The following PXDNL variants were observed in gnomAD, a reference collection of about 807,000 sequenced individuals.
PXDNL encodes the protein peroxidasin like.
PXDNL carries 145 observed loss-of-function variants against 150.8 expected under a neutral mutation model. The ratio of observed to expected loss-of-function variants is 0.96; its 90% CI spans 0.84 to 1.10. PXDNL has a LOEUF of 1.10. PXDNL is among the 50% of genes least tolerant of loss of function. The probability of loss-of-function intolerance (pLI) is 0.00; values close to 1 mark genes in which losing one functional copy is unlikely to be tolerated. For synonymous variants in PXDNL, 757 were observed against 725.7 expected (o/e 1.04, Z -0.69); for missense variants, 2,087 against 1,873.9 (o/e 1.11, Z -2.10).
intron 18 of PXDNL, among the ~76,000 whole-genome samples, chr8:51,373,912 T>C (rs1807214142): frequency 6.6e-6 from 1 of 152,168 alleles, no homozygotes; most frequent in Admixed American, 6.5e-5. Context: ...TATTTCTTGG[T>C]TTTTATTCTT....
intron 1 of PXDNL, among the ~76,000 whole-genome samples, chr8:51,679,845 A>G (rs1815704096): frequency 6.6e-6 from 1 of 152,150 alleles, no homozygotes; most frequent in Non-Finnish European, 1.5e-5. Flanking sequence ...ATCCCATCAG[A>G]ACAACTTCAC....
At chr8:51,598,003 T>G (rs1166241576) in intron 2 of PXDNL, among the ~76,000 whole-genome samples, 1 of 152,122 alleles carries the variant, frequency 6.6e-6, no homozygotes, top group Non-Finnish European at 1.5e-5. Flanking sequence ...CATGAGCCAC[T>G]GCGTCTGGCC....
At chr8:51,570,257 G>T (rs868108149) in intron 3 of PXDNL, among the ~76,000 whole-genome samples, 1 of 151,914 alleles carries the variant, frequency 6.6e-6, no homozygotes, top group East Asian at 1.9e-4. Flanking sequence ...TGACGCTGTG[G>T]GTTCCACTAG....
At chr8:51,413,007 C>T (rs1324473170) in intron 15 of PXDNL, 143 bp downstream of exon 15, 2 of 591,246 alleles carry the variant, frequency 3.4e-6, no homozygotes, top group Non-Finnish European at 3.0e-6. Context: ...ATAATGATGG[C>T]TAGCCCAGAT....
At chr8:51,776,099 C>T (rs1178455241) in intron 1 of PXDNL, among the ~76,000 whole-genome samples, 2 of 152,146 alleles carry the variant, frequency 1.3e-5, no homozygotes, top group African/African-American at 4.8e-5. Context: ...AAGAAATTCC[C>T]GCCTAATAAA....
At chr8:51,679,626 C>A (rs534209913) in intron 1 of PXDNL, among the ~76,000 whole-genome samples, 1 of 152,254 alleles carries the variant, frequency 6.6e-6, no homozygotes, top group African/African-American at 2.4e-5. Context: ...TTAATGTGGT[C>A]ATTCCTGAGG....
chr8:51,339,570 T>G, intron 21 of PXDNL, 54 bp downstream of exon 21: 1 of 1,548,216 alleles, frequency 6.5e-7, no homozygotes, highest in East Asian at 2.3e-5. Flanking sequence ...ATCTTTTATG[T>G]TTAGTTATTC....
chr8:51,758,335 C>T (rs2130990719), intron 1 of PXDNL, among the ~76,000 whole-genome samples: 1 of 152,234 alleles, frequency 6.6e-6, no homozygotes, highest in Admixed American at 6.5e-5. Flanking sequence ...TCACAAATTC[C>T]ATGCTAATGT....
chr8:51,510,358 G>A (rs970043355), intron 4 of PXDNL, among the ~76,000 whole-genome samples: 5 of 152,156 alleles, frequency 3.3e-5, no homozygotes, highest in African/African-American at 9.7e-5. Flanking sequence ...TGAGTTTCTG[G>A]AAAAATTGAA....
intron 6 of PXDNL, among the ~76,000 whole-genome samples, chr8:51,478,287 A>G (rs1278141389): frequency 1.3e-5 from 2 of 152,196 alleles, no homozygotes; most frequent in African/African-American, 4.8e-5. Flanking sequence ...TCTTACATCA[A>G]ATATCATACC....
intron 1 of PXDNL, among the ~76,000 whole-genome samples, chr8:51,766,499 A>G (rs947196349): frequency 3.3e-5 from 5 of 151,834 alleles, no homozygotes; most frequent in Non-Finnish European, 5.9e-5. Context: ...AATTCACTTT[A>G]TCATATCTCA....
At chr8:51,636,326 C>T (rs1039720596) in intron 2 of PXDNL, among the ~76,000 whole-genome samples, 9 of 152,072 alleles carry the variant, frequency 5.9e-5, no homozygotes, top group Non-Finnish European at 8.8e-5. Flanking sequence ...CTATTTAACG[C>T]TATATTGGAA....
intron 8 of PXDNL, among the ~76,000 whole-genome samples, chr8:51,460,726 C>G (rs1234770545): frequency 6.6e-6 from 1 of 151,844 alleles, no homozygotes; most frequent in Non-Finnish European, 1.5e-5. Flanking sequence ...GCAAGAGATC[C>G]CACGACCCCC....
intron 1 of PXDNL, chr8:51,722,150 G>C (rs4873583): frequency 6.1e-6 from 1 of 163,456 alleles, no homozygotes. Context: ...CCTGGTTCAT[G>C]ATTGTTGCTT....
At chr8:51,555,921 A>T (rs1333838365) in intron 4 of PXDNL, among the ~76,000 whole-genome samples, 1 of 152,176 alleles carries the variant, frequency 6.6e-6, no homozygotes, top group African/African-American at 2.4e-5. Flanking sequence ...TGAGGTTTTC[A>T]TAAAGTATCA....
At chr8:51,723,467 G>T (rs929824887) in intron 1 of PXDNL, among the ~76,000 whole-genome samples, 1 of 152,188 alleles carries the variant, frequency 6.6e-6, no homozygotes, top group Non-Finnish European at 1.5e-5. Context: ...CTGCACGGGC[G>T]ATATCAGCCT....
chr8:51,445,731 T>G (rs1809657452), intron 12 of PXDNL, among the ~76,000 whole-genome samples: 1 of 152,200 alleles, frequency 6.6e-6, no homozygotes, highest in Non-Finnish European at 1.5e-5. Context: ...GACTTACTAT[T>G]GGTCCCATTT....
intron 19 of PXDNL, among the ~76,000 whole-genome samples, chr8:51,369,681 C>T (rs1807036393): frequency 6.6e-6 from 1 of 150,920 alleles, no homozygotes; most frequent in Non-Finnish European, 1.5e-5. Flanking sequence ...ATGTTTGTAT[C>T]CAGTTAAGGA....
chr8:51,400,350 G>C (rs1318799313), intron 17 of PXDNL, among the ~76,000 whole-genome samples: 1 of 152,112 alleles, frequency 6.6e-6, no homozygotes, highest in Non-Finnish European at 1.5e-5. Context: ...TCCACTTGTG[G>C]CATCATGATA....
Sources: allele counts gnomAD v4.1 joint callset (sites outside exome capture counted in the v4.1 genomes callset), GRCh38; gene constraint gnomAD v4.1.1; transcripts MANE v1.5; gene names NCBI Gene and HGNC (gene_info 2026-07-23, HGNC 2026-07-21).